Variants in CD109 observed in about 807,000 individuals in gnomAD.
CD109 encodes CD109 antigen.
Under a neutral mutation model 165.8 loss-of-function variants are expected in CD109, and 149 were observed. That is an observed-to-expected ratio of 0.90 (90% CI 0.79 to 1.03). CD109 has a LOEUF of 1.03. Ranked by LOEUF, CD109 falls within the 50% of genes least tolerant of loss-of-function variation. CD109 has a pLI of 0.00. For synonymous variants in CD109, 585 were observed against 592.1 expected (o/e 0.99, Z 0.18); for missense variants, 1,712 against 1,677.8 (o/e 1.02, Z -0.36).
At chr6:73,764,033 G>A (rs1773743076) in intron 10 of CD109, among the ~76,000 whole-genome samples, 2 of 152,098 alleles carry the variant, frequency 1.3e-5, no homozygotes, top group South Asian at 2.1e-4. Context: ...ATGATTAATT[G>A]TAGTTCTAAC....
chr6:73,805,717 GT>G (rs1276480747), intron 24 of CD109, among the ~76,000 whole-genome samples: 1 of 152,144 alleles, frequency 6.6e-6, no homozygotes, highest in Non-Finnish European at 1.5e-5. Flanking sequence ...GTGTCCCTGG[GT>G]ACTTGAGATT....
At chr6:73,721,711 A>G (rs2150167880) in intron 2 of CD109, among the ~76,000 whole-genome samples, 1 of 151,644 alleles carries the variant, frequency 6.6e-6, no homozygotes, top group African/African-American at 2.4e-5. Context: ...TAAGAAGTTA[A>G]AGTGTTTCTC....
chr6:73,802,459 A>G (rs1311318105), intron 23 of CD109, among the ~76,000 whole-genome samples: 1 of 151,540 alleles, frequency 6.6e-6, no homozygotes, highest in African/African-American at 2.4e-5. Context: ...TTGCTGGTCT[A>G]AGAATAGAAA....
At chr6:73,793,127 A>G (rs995554721) in intron 23 of CD109, among the ~76,000 whole-genome samples, 5 of 152,200 alleles carry the variant, frequency 3.3e-5, no homozygotes, top group African/African-American at 1.2e-4. Context: ...TTTATTACAC[A>G]TTTGTGGAGT....
At chr6:73,816,949 G>A (rs1255589970) in intron 30 of CD109, among the ~76,000 whole-genome samples, 1 of 152,118 alleles carries the variant, frequency 6.6e-6, no homozygotes, top group East Asian at 1.9e-4. Context: ...CAGGAATCAG[G>A]TGGACAACAG....
intron 2 of CD109, among the ~76,000 whole-genome samples, chr6:73,718,552 T>C (rs1037066889): frequency 6.6e-6 from 1 of 152,144 alleles, no homozygotes; most frequent in African/African-American, 2.4e-5. Context: ...TGTATCACAT[T>C]GATTGATGTG....
chr6:73,683,084 C>A, the CD109 span, among the ~76,000 whole-genome samples: 111 of 152,332 alleles, frequency 7.3e-4, no homozygotes, highest in Non-Finnish European at 1.2e-3. Context: ...TAACATTCAG[C>A]TCCTCATTAC....
rs976667201 is a variant in CD109, at chr6:73,763,690, G to A, written c.1107+5G>A. The A allele has an allele frequency of 2.0e-6, 3 of 1,470,498 alleles. No homozygotes were observed. Among genetic ancestry groups the A allele is most frequent in the Non-Finnish European group, 2.8e-6 (3 of 1,062,688 alleles). 91.1% of individuals were successfully genotyped at this position (1,470,498 alleles called of 1,614,324 possible). A position where few individuals can be genotyped will look rare whatever the true frequency, so the allele number is the denominator to read the frequency against. On this transcript the variant is annotated splice_donor_5th_base_variant and intron_variant, in intron 10 of 32. Transcript: ENST00000287097. ...TCTCTCAACTTCACAGCCACTGTAA[G>A]TTGGTATATTTATTTCCAGTCCATA...
intron 23 of CD109, among the ~76,000 whole-genome samples, chr6:73,801,258 C>G: frequency 6.6e-6 from 1 of 152,178 alleles, no homozygotes; most frequent in East Asian, 1.9e-4. Context: ...GAGTTTCAGT[C>G]TCATTATCTG....
intron 1 of CD109, 87 bp from the exon 2 acceptor site, chr6:73,697,313 C>A: frequency 8.1e-7 from 1 of 1,228,976 alleles, no homozygotes; most frequent in Non-Finnish European, 1.2e-6. Context: ...TATGGAGTGC[C>A]TATCGCACTA....
Position 73,768,198 on chromosome 6 carries a change from A to G in CD109, c.1641A>G (p.Leu547=). Residue 547 remains leucine (L), a synonymous_variant, in exon 14 of 33, where the codon CTA becomes CTG. Coordinates refer to ENST00000287097, the MANE Select transcript of CD109 (RefSeq NM_133493.5). Reference sequence around the variant, plus strand: ...ATGGGGAAATTATAAGTGATGTTCTAAAAATTCCTGTTCAGCTTGTTTTTA... The same window carrying G: ...ATGGGGAAATTATAAGTGATGTTCTGAAAATTCCTGTTCAGCTTGTTTTTA... ...EDDGEIISDV[L]KIPVQLVFKN... is the part of the protein sequence containing the mutation. 1 of 1,591,704 alleles carries G rather than the reference A, an allele frequency of 6.3e-7. No homozygotes were observed. The highest frequency in any genetic ancestry group is 8.6e-7 in the Non-Finnish European group (1 of 1,160,722).
intron 15 of CD109, 107 bp downstream of exon 15, chr6:73,771,688 A>G (rs956799802): frequency 2.5e-5 from 17 of 668,692 alleles, no homozygotes; most frequent in Admixed American, 7.5e-5. Context: ...GTTCCTTTGC[A>G]TGTGTAAGTC....
Position 73,810,192 on chromosome 6 carries a change from T to C in CD109, c.3546+18T>C. 2.1e-6 allele frequency: 3 copies of C among 1,419,860 alleles called. No individual in the cohort carries two copies. The highest frequency in any genetic ancestry group is 2.8e-6 in the Non-Finnish European group (3 of 1,060,128). 88.0% of individuals were successfully genotyped at this position (1,419,860 alleles called of 1,614,324 possible). On this transcript the variant is annotated intron_variant, in intron 27 of 32. Transcript: ENST00000287097. ...CTACTCAGGTGAGAGATGATAGTTT[T>C]TTCCCTTTAAACTATAATATATAAT...
intron 10 of CD109, among the ~76,000 whole-genome samples, chr6:73,764,696 A>G (rs1409709852): frequency 1.3e-5 from 2 of 152,020 alleles, no homozygotes; most frequent in Non-Finnish European, 2.9e-5. Flanking sequence ...CATGCCTGTA[A>G]TTCCAACTAC....
chr6:73,707,962 T>TTATATATA (rs200081535), intron 2 of CD109, among the ~76,000 whole-genome samples: 45 of 126,778 alleles, frequency 3.5e-4, no homozygotes, highest in South Asian at 7.8e-4. Flanking sequence ...ATTGTTATCT[T>TTATATATA]TATATATATA....
At chr6:73,792,140 T>C (rs1418323353) in intron 22 of CD109, among the ~76,000 whole-genome samples, 2 of 152,206 alleles carry the variant, frequency 1.3e-5, no homozygotes. Context: ...AATACTTATA[T>C]TTGTTGTTAC....
At chr6:73,822,164 A>G (rs1187011694) in intron 32 of CD109, among the ~76,000 whole-genome samples, 1 of 152,230 alleles carries the variant, frequency 6.6e-6, no homozygotes. Context: ...GCCCAAGTTT[A>G]ATAGGATGAA....
chr6:73,708,258 T>C (rs1220326124), intron 2 of CD109, among the ~76,000 whole-genome samples: 1 of 152,042 alleles, frequency 6.6e-6, no homozygotes. Flanking sequence ...GTTTGGTTTT[T>C]TGTCCTTGCG....
At chr6:73,690,422 A>G in the CD109 span, among the ~76,000 whole-genome samples, 5 of 152,090 alleles carry the variant, frequency 3.3e-5, no homozygotes, top group Admixed American at 2.0e-4. Context: ...TTTTTTTGAG[A>G]CGGAGTTTCG....
Sources: gnomAD v4.1 joint callset for allele counts (sites outside exome capture counted in the v4.1 genomes callset) on GRCh38, gnomAD v4.1.1 for gene constraint, MANE v1.5 for transcripts, NCBI Gene and HGNC (gene_info 2026-07-23, HGNC 2026-07-21) for gene names.